Variants in ANKRD13D observed in about 807,000 individuals in gnomAD.
The protein encoded by ANKRD13D is ankyrin repeat domain 13D, also known as ankyrin repeat domain-containing protein 13D.
ANKRD13D carries 24 observed loss-of-function variants against 68.8 expected under a neutral mutation model. The ratio of observed to expected loss-of-function variants is 0.35; its 90% CI spans 0.25 to 0.49. ANKRD13D has a LOEUF of 0.49. Ranked by LOEUF, ANKRD13D falls within the 20% of genes least tolerant of loss-of-function variation. The pLI is 0.99. For missense variants in ANKRD13D, 735 were observed against 832.1 expected (o/e 0.88, Z 1.44); for synonymous variants, 331 against 336.1 (o/e 0.98, Z 0.16).
Position 67,300,794 on chromosome 11 carries a change from C to G in ANKRD13D, c.1074-196C>G. 1 of 646,214 alleles carries G rather than the reference C, an allele frequency of 1.5e-6. No homozygotes were observed. Among genetic ancestry groups the G allele is most frequent in the Non-Finnish European group, 2.6e-6 (1 of 382,610 alleles). 40.0% of individuals were successfully genotyped at this position (646,214 alleles called of 1,614,324 possible). On this transcript the variant is annotated intron_variant, in intron 10 of 14. Coordinates refer to ENST00000511455, the MANE Select transcript of ANKRD13D (RefSeq NM_207354.3). The surrounding 1 kb of genome is among the most constrained non-coding windows in gnomAD (Gnocchi z 4.3). ...ATCCTCAGGAGCCCCAGCCTGGGCC[C>G]AGGGAGGAGGGCAGCTTGGGCCACG... is the stretch of plus-strand genomic sequence containing the variant.
At chr11:67,298,090 GT>G (rs1195313178) in intron 6 of ANKRD13D, 1 of 138,600 alleles carries the variant, frequency 7.2e-6, no homozygotes, top group Non-Finnish European at 1.5e-5. Context: ...TTGAGACGGA[GT>G]CTCGCTCTGT....
At position 67,291,987 on chromosome 11, in the gene ANKRD13D, G is replaced by T; in HGVS notation, c.542-4G>T. 6.4e-7 allele frequency: 1 copy of T among 1,574,010 alleles called. No individual in the cohort carries two copies. The highest frequency in any genetic ancestry group is 8.7e-7 in the Non-Finnish European group (1 of 1,154,806). On this transcript the variant is annotated splice_region_variant and splice_polypyrimidine_tract_variant and intron_variant, in intron 5 of 14. Coordinates refer to ENST00000511455, the MANE Select transcript of ANKRD13D (RefSeq NM_207354.3). ...CCCCTCTGTCCACCCCTACCGGCCG[G>T]CAGAGGCAGGAGCCCTGGTGATGGA...
At chr11:67,298,827 T>C (rs1036436070) in intron 6 of ANKRD13D, 6 of 569,180 alleles carry the variant, frequency 1.1e-5, no homozygotes, top group African/African-American at 7.5e-5. Context: ...GACACTATCA[T>C]ACCTCACAAG....
At chr11:67,291,808 AC>A in intron 5 of ANKRD13D, 62 bp downstream of exon 5, 2 of 1,590,354 alleles carry the variant, frequency 1.3e-6, no homozygotes, top group Non-Finnish European at 1.7e-6. Context: ...GCTTGGGAGG[AC>A]GGTGCTGCCT....
chr11:67,299,373 G>T lies in ANKRD13D; in HGVS notation c.799-157G>T. ...GACCCTGGGGCTGCATCTCCTCGTT[G>T]GTGACTTCCTGGGGTTCAGACCCTG... On this transcript the variant is annotated intron_variant, in intron 7 of 14. Transcript: ENST00000511455. The surrounding 1 kb of genome is among the most constrained non-coding windows in gnomAD (Gnocchi z 6.2). 1.4e-6 allele frequency: 1 copy of T among 725,444 alleles called. No individual in the cohort carries two copies. The highest frequency in any genetic ancestry group is 2.3e-6 in the Non-Finnish European group (1 of 434,882). The allele number at this position is 725,444 out of a possible 1,614,324, so 44.9% of individuals were successfully genotyped here. A position where few individuals can be genotyped will look rare whatever the true frequency, so the allele number is the denominator to read the frequency against.
chr11:67,298,846 T>C (rs1860861969), intron 6 of ANKRD13D: 1 of 588,928 alleles, frequency 1.7e-6, no homozygotes, highest in African/African-American at 1.9e-5. Flanking sequence ...AGATTCATGC[T>C]AATTCCTCAG....
In ANKRD13D at chr11:67,289,472, G is replaced by T; in HGVS notation, c.12G>T (p.Pro4=). 1.3e-6 allele frequency: 2 copies of T among 1,502,914 alleles called. No individual in the cohort carries two copies. Among genetic ancestry groups the T allele is most frequent in the Non-Finnish European group, 1.8e-6 (2 of 1,133,842 alleles). 93.1% of individuals were successfully genotyped at this position (1,502,914 alleles called of 1,614,324 possible). A position where few individuals can be genotyped will look rare whatever the true frequency, so the allele number is the denominator to read the frequency against. ...CGCTGAGGCCCAGCATGGCCGGCCC[G>T]GGCCCCACCTTCCCGCTGCACCGGC... MAG[P]GPTFPLHRLV... The change falls in exon 1 of 15, where the codon CCG becomes CCT. Residue 4 remains proline (P), a synonymous_variant. Transcript: ENST00000511455.
At chr11:67,292,636 A>G (rs541601823) in intron 6 of ANKRD13D, among the ~76,000 whole-genome samples, 1 of 152,240 alleles carries the variant, frequency 6.6e-6, no homozygotes, top group African/African-American at 2.4e-5. Flanking sequence ...AAAAAAAACA[A>G]AAAACCTTTA....
In ANKRD13D at chr11:67,290,484, G is replaced by C. The variant is rs1203140422; in HGVS notation, c.351+38G>C. The C allele has an allele frequency of 2.0e-6, 3 of 1,534,294 alleles. No homozygotes were observed. In the South Asian group the frequency reaches 3.6e-5, roughly 19 times the overall value. Reference sequence around the variant, plus strand: ...ACAGTTATGGAGGTGGGGTACCATGGCAGGGCACCACCCTGGTTACTGTGC... The same window carrying C: ...ACAGTTATGGAGGTGGGGTACCATGCCAGGGCACCACCCTGGTTACTGTGC... On this transcript the variant is annotated intron_variant, in intron 3 of 14. Coordinates refer to ENST00000511455, the MANE Select transcript of ANKRD13D (RefSeq NM_207354.3).
At chr11:67,291,377 ACCTGATG>A in intron 3 of ANKRD13D, 92 bp from the exon 4 acceptor site, 15 of 964,602 alleles carry the variant, frequency 1.6e-5, no homozygotes, top group South Asian at 6.1e-5. Context: ...AAAAAAAAAG[ACCTGATG>A]AAGGGCTGGG....
In ANKRD13D at chr11:67,298,882, CAA is replaced by C. The variant is rs1432596910; in HGVS notation, c.732-175_732-174del. ...TGTCTTCTAGTCCCAAGTCCATGCT[CAA>C]GTGTCCCCCCCTGTCCAGGCACCCT... On this transcript the variant is annotated intron_variant, in intron 6 of 14. Coordinates refer to ENST00000511455, the MANE Select transcript of ANKRD13D (RefSeq NM_207354.3). 1.7e-5 allele frequency: 11 copies of C among 648,084 alleles called. No homozygotes were observed. In the Admixed American group the frequency reaches 1.8e-4, roughly 10 times the overall value. The allele number at this position is 648,084 out of a possible 1,614,324, so 40.1% of individuals were successfully genotyped here. A position where few individuals can be genotyped will look rare whatever the true frequency, so the allele number is the denominator to read the frequency against.
rs2134751871 is a variant in ANKRD13D at position 67,302,339 on chromosome 11, G to A, written c.*7G>A. ...GTCACTCACTGAGCACTGAGCCATA[G>A]CCCCGGGAGGGCTGGCCAGGCCACT... On this transcript the variant is annotated 3_prime_UTR_variant, in exon 15 of 15. Coordinates refer to ENST00000511455, the MANE Select transcript of ANKRD13D (RefSeq NM_207354.3). 6.7e-7 allele frequency: 1 copy of A among 1,498,786 alleles called. No homozygotes were observed. Among genetic ancestry groups the A allele is most frequent in the East Asian group, 2.5e-5 (1 of 40,338 alleles). 92.8% of individuals were successfully genotyped at this position (1,498,786 alleles called of 1,614,324 possible). A position where few individuals can be genotyped will look rare whatever the true frequency, so the allele number is the denominator to read the frequency against.
In ANKRD13D at chr11:67,299,627, C is replaced by G; in HGVS notation, c.880+16C>G. Reference sequence around the variant, plus strand: ...AGGAGCAAAGGTAAACCCAGGTGCGCCTGCCTGCTGCCCGGTCACACCGTG... The same window carrying G: ...AGGAGCAAAGGTAAACCCAGGTGCGGCTGCCTGCTGCCCGGTCACACCGTG... On this transcript the variant is annotated intron_variant, in intron 8 of 14. Coordinates refer to ENST00000511455, the MANE Select transcript of ANKRD13D (RefSeq NM_207354.3). This position sits in a 1 kb window ranked among gnomAD's most constrained non-coding sequence, Gnocchi z 6.2. 6.4e-7 allele frequency: 1 copy of G among 1,550,512 alleles called. No individual in the cohort carries two copies. Among genetic ancestry groups the G allele is most frequent in the Non-Finnish European group, 8.7e-7 (1 of 1,146,780 alleles).
Position 67,299,189 on chromosome 11 carries a change from C to T in ANKRD13D, c.798+65C>T. ...GAGGTCCAGGAACTCAGCTCCTCTCCACATCCATCCCAGAGTAGCCCCTGG... is the reference window on the plus strand; with the variant it reads ...GAGGTCCAGGAACTCAGCTCCTCTCTACATCCATCCCAGAGTAGCCCCTGG... On this transcript the variant is annotated intron_variant, in intron 7 of 14. Transcript: ENST00000511455. The surrounding 1 kb of genome is among the most constrained non-coding windows in gnomAD (Gnocchi z 6.2). 2 of 1,571,890 alleles carry T rather than the reference C, an allele frequency of 1.3e-6. No individual in the cohort carries two copies. The highest frequency in any genetic ancestry group is 1.7e-6 in the Non-Finnish European group (2 of 1,145,908).
intron 6 of ANKRD13D, among the ~76,000 whole-genome samples, chr11:67,292,831 A>G (rs897064312): frequency 1.3e-5 from 2 of 152,136 alleles, no homozygotes; most frequent in African/African-American, 2.4e-5. Context: ...CCCCTCTCCC[A>G]GTCCTAAGCA....
Position 67,296,591 on chromosome 11 carries a change from GGTGA to G in ANKRD13D, c.732-2464_732-2461del, listed in dbSNP as rs1860764791. Among the ~76,000 whole-genome samples the G allele has an allele frequency of 1.3e-5, 2 of 151,822 alleles. 1 individual carries two copies. Among genetic ancestry groups the G allele is most frequent in the South Asian group, 4.2e-4 (2 of 4,808 alleles). ...GCTCCCCTCTTTCATTTCTGATTCT[GGTGA>G]GTAATTTGAAGTTTTTGTTTTGTTT... On this transcript the variant is annotated intron_variant, in intron 6 of 14. Transcript: ENST00000511455.
At chr11:67,290,605 A>T in intron 3 of ANKRD13D, 159 bp downstream of exon 3, 1 of 1,182,742 alleles carries the variant, frequency 8.5e-7, no homozygotes, top group Non-Finnish European at 1.2e-6. Context: ...AGGGTCACGT[A>T]GGAAAGAGAG....
intron 6 of ANKRD13D, among the ~76,000 whole-genome samples, chr11:67,292,763 T>G (rs1860617770): frequency 6.6e-6 from 1 of 152,216 alleles, no homozygotes; most frequent in Non-Finnish European, 1.5e-5. Context: ...TAGAACATTT[T>G]TATCACCTCA....
chr11:67,299,939 G>C lies in ANKRD13D; in HGVS notation c.942+51G>C. ...GGCTGGCGGGGGGCCGAGCCTGGGC[G>C]GGAGGGCACCCTCTGTCACCTTGAT... On this transcript the variant is annotated intron_variant, in intron 9 of 14. Coordinates refer to ENST00000511455, the MANE Select transcript of ANKRD13D (RefSeq NM_207354.3). This position sits in a 1 kb window ranked among gnomAD's most constrained non-coding sequence, Gnocchi z 6.2. 2 of 1,575,558 alleles carry C rather than the reference G, an allele frequency of 1.3e-6. No homozygotes were observed. The highest frequency in any genetic ancestry group is 1.7e-5 in the Admixed American group (1 of 57,200).
Sources: gnomAD v4.1 joint callset for allele counts (sites outside exome capture counted in the v4.1 genomes callset) on GRCh38, gnomAD v4.1.1 for gene constraint, Gnocchi (gnomAD v3.1) non-coding constraint, MANE v1.5 for transcripts, NCBI Gene and HGNC (gene_info 2026-07-23, HGNC 2026-07-21) for gene names.